Variants in PARVA observed in about 807,000 individuals in gnomAD.
PARVA encodes the protein parvin alpha, also known as alpha-parvin.
Under a neutral mutation model 52.6 loss-of-function variants are expected in PARVA, and 25 were observed. That is an observed-to-expected ratio of 0.48 (90% CI 0.35 to 0.66). The LOEUF is 0.66. Ranked by LOEUF, PARVA falls within the 30% of genes least tolerant of loss-of-function variation. PARVA has a pLI of 0.01. For synonymous variants in PARVA, 185 were observed against 179.1 expected, an observed-to-expected ratio of 1.03 and a Z score of -0.26; for missense variants, 373 against 450.9, an observed-to-expected ratio of 0.83 and a Z score of 1.56.
At chr11:12,495,954 T>C (rs1478430082) in intron 4 of PARVA, among the ~76,000 whole-genome samples, 4 of 152,206 alleles carry the variant, frequency 2.6e-5, no homozygotes, top group African/African-American at 4.8e-5. Flanking sequence ...GTGAAAAATA[T>C]GTGCCTTAGA....
At chr11:12,492,878 A>G (rs927715989) in intron 4 of PARVA, among the ~76,000 whole-genome samples, 1 of 152,170 alleles carries the variant, frequency 6.6e-6, no homozygotes, top group South Asian at 2.1e-4. Flanking sequence ...TTTATTACAA[A>G]TACAGAAAAT....
chr11:12,413,928 C>A (rs1343127989), intron 1 of PARVA, among the ~76,000 whole-genome samples: 1 of 152,198 alleles, frequency 6.6e-6, no homozygotes, highest in Non-Finnish European at 1.5e-5. Flanking sequence ...GGAGGATATT[C>A]AAAAACCTCT....
In PARVA at chr11:12,405,979, C is replaced by T. The variant is rs139325256; in HGVS notation, c.136+28196C>T. Reference sequence around the variant, plus strand: ...AAAAGAAAAAAGAATTGGAATCATACTATATGTTCAATTATGAGACCCAAG... The same window carrying T: ...AAAAGAAAAAAGAATTGGAATCATATTATATGTTCAATTATGAGACCCAAG... On this transcript the variant is annotated intron_variant, in intron 1 of 12. Coordinates refer to ENST00000334956, the MANE Select transcript of PARVA (RefSeq NM_018222.5). 4.7e-3 allele frequency among the ~76,000 whole-genome samples: 708 copies of T among 152,252 alleles called. 6 individuals carry two copies. The highest frequency in any genetic ancestry group is 0.02 in the Middle Eastern group (6 of 294).
chr11:12,489,316 T>C (rs1012918864), intron 4 of PARVA, among the ~76,000 whole-genome samples: 3 of 151,846 alleles, frequency 2.0e-5, no homozygotes. Context: ...AACAACCAAA[T>C]AGAACTTCTA....
At chr11:12,526,455 G>T (rs1941702369) in intron 12 of PARVA, among the ~76,000 whole-genome samples, 1 of 152,062 alleles carries the variant, frequency 6.6e-6, no homozygotes, top group African/African-American at 2.4e-5. Flanking sequence ...CTCCCATACA[G>T]TTGTTTTTTA....
chr11:12,447,859 G>T (rs1167804798), intron 1 of PARVA, among the ~76,000 whole-genome samples: 1 of 152,218 alleles, frequency 6.6e-6, no homozygotes, highest in Non-Finnish European at 1.5e-5. Flanking sequence ...TAGGACCCCT[G>T]TTGAGGGCCC....
intron 1 of PARVA, among the ~76,000 whole-genome samples, chr11:12,406,237 ATTG>A (rs1241392484): frequency 1.3e-5 from 2 of 152,222 alleles, no homozygotes; most frequent in African/African-American, 4.8e-5. Context: ...AATTAATTCT[ATTG>A]TTTTACGATA....
At chr11:12,515,993 T>C (rs1449668379) in intron 10 of PARVA, among the ~76,000 whole-genome samples, 3 of 152,112 alleles carry the variant, frequency 2.0e-5, no homozygotes, top group East Asian at 1.9e-4. Flanking sequence ...TGCACCAACA[T>C]ACCCGGTTAA....
chr11:12,425,137 T>C (rs978791279), intron 1 of PARVA, among the ~76,000 whole-genome samples: 16 of 152,240 alleles, frequency 1.1e-4, no homozygotes, highest in African/African-American at 2.9e-4. Flanking sequence ...TTCGAGATGT[T>C]CTGAGAATCC....
chr11:12,464,404 A>T (rs1940827121), intron 1 of PARVA, among the ~76,000 whole-genome samples: 1 of 152,196 alleles, frequency 6.6e-6, no homozygotes, highest in Non-Finnish European at 1.5e-5. Flanking sequence ...CCATGCATTT[A>T]CTTAATTGTT....
chr11:12,502,947 G>A (rs370862714), intron 5 of PARVA, among the ~76,000 whole-genome samples: 1 of 152,180 alleles, frequency 6.6e-6, no homozygotes. Flanking sequence ...CATGTAGCCA[G>A]TAAATAAGTG....
At chr11:12,417,798 G>A (rs912722215) in intron 1 of PARVA, among the ~76,000 whole-genome samples, 4 of 152,172 alleles carry the variant, frequency 2.6e-5, no homozygotes, top group Non-Finnish European at 4.4e-5. Flanking sequence ...AGGGCCCCCC[G>A]GGTGCCAAGC....
chr11:12,425,858 C>G (rs1251750537), intron 1 of PARVA, among the ~76,000 whole-genome samples: 1 of 152,196 alleles, frequency 6.6e-6, no homozygotes, highest in South Asian at 2.1e-4. Flanking sequence ...CGTTACCAGG[C>G]AGAGCCAGTA....
upstream of PARVA, chr11:12,377,415 G>T: frequency 8.8e-6 from 12 of 1,369,532 alleles, no homozygotes; most frequent in Non-Finnish European, 1.1e-5. Context: ...GGGCAACCCA[G>T]GGGCGCAAGG....
intron 1 of PARVA, among the ~76,000 whole-genome samples, chr11:12,443,169 C>CTTCTTT (rs1326822141): frequency 3.8e-5 from 3 of 78,328 alleles, no homozygotes; most frequent in African/African-American, 1.5e-4. Context: ...CGCCCCCCTT[C>CTTCTTT]TTTTTTTTTT....
At chr11:12,447,987 A>G (rs745868529) in intron 1 of PARVA, among the ~76,000 whole-genome samples, 34 of 152,194 alleles carry the variant, frequency 2.2e-4, no homozygotes, top group Non-Finnish European at 4.1e-4. Context: ...GCAAGAAATC[A>G]ATGTCTGGTA....
At chr11:12,434,929 C>T (rs1040232486) in intron 1 of PARVA, among the ~76,000 whole-genome samples, 1 of 152,188 alleles carries the variant, frequency 6.6e-6, no homozygotes. Flanking sequence ...TCTAACATAA[C>T]CCCAGTCCTC....
chr11:12,433,328 A>T (rs941183497), intron 1 of PARVA, among the ~76,000 whole-genome samples: 4 of 152,224 alleles, frequency 2.6e-5, no homozygotes, highest in African/African-American at 9.7e-5. Context: ...GTGTAAGCCC[A>T]AATAAAAGCA....
intron 1 of PARVA, among the ~76,000 whole-genome samples, chr11:12,466,586 A>G (rs891861057): frequency 6.6e-6 from 1 of 152,072 alleles, no homozygotes; most frequent in Non-Finnish European, 1.5e-5. Context: ...TTACAGGCAT[A>G]AGCCACCACG....
Sources: allele counts gnomAD v4.1 joint callset (sites outside exome capture counted in the v4.1 genomes callset), GRCh38; gene constraint gnomAD v4.1.1; transcripts MANE v1.5; gene names NCBI Gene and HGNC (gene_info 2026-07-23, HGNC 2026-07-21).